The following NCAM2 variants were observed in gnomAD, a reference collection of about 807,000 sequenced individuals.
NCAM2 encodes the protein neural cell adhesion molecule 2.
Under a neutral mutation model 98.1 loss-of-function variants are expected in NCAM2, and 30 were observed. The ratio of observed to expected loss-of-function variants is 0.31; its 90% CI spans 0.23 to 0.41. The LOEUF (loss-of-function observed/expected upper bound fraction) is 0.41. NCAM2 is among the 10% of genes least tolerant of loss of function. The pLI is 1.00. For missense variants in NCAM2, 867 were observed against 1,005.8 expected, an observed-to-expected ratio of 0.86 and a Z score of 1.87; for synonymous variants, 368 against 342.4, an observed-to-expected ratio of 1.07 and a Z score of -0.83.
rs775134141 is a variant in NCAM2 at position 21,324,363 on chromosome 21, T to G, written c.620-20T>G. 1 of 1,581,026 alleles carries G rather than the reference T, an allele frequency of 6.3e-7. No homozygotes were observed. Among genetic ancestry groups the G allele is most frequent in the Non-Finnish European group, 8.7e-7 (1 of 1,152,162 alleles). ...AAGGTGTTTTCGTCTCTATTTATTC[T>G]GTATTCATCTCTCCTTCAGTGCCGC... is the stretch of plus-strand genomic sequence containing the variant. On this transcript the variant is annotated intron_variant, in intron 5 of 17. Transcript: ENST00000400546.
intron 1 of NCAM2, among the ~76,000 whole-genome samples, chr21:21,135,631 A>G (rs1199474845): frequency 1.3e-5 from 2 of 152,110 alleles, no homozygotes; most frequent in African/African-American, 4.8e-5. Flanking sequence ...TAACCATGAC[A>G]GTCCTTGGAA....
intron 8 of NCAM2, among the ~76,000 whole-genome samples, chr21:21,372,784 T>C (rs561981646): frequency 1.3e-5 from 2 of 151,934 alleles, no homozygotes; most frequent in South Asian, 4.1e-4. Flanking sequence ...TAATTTCAGG[T>C]ATATTGATAA....
At chr21:21,210,858 C>T (rs906482085) in intron 1 of NCAM2, among the ~76,000 whole-genome samples, 1 of 150,640 alleles carries the variant, frequency 6.6e-6, no homozygotes, top group Non-Finnish European at 1.5e-5. Flanking sequence ...TGGGGTAAGG[C>T]AGAGGAGGGG....
At position 21,045,548 on chromosome 21, in the gene NCAM2, C is replaced by G. The variant is rs575237644; in HGVS notation, c.55+46930C>G. The stretch of plus-strand genomic sequence containing the variant: ...CCTGTCGTCTCACCTACTCGGAAAA[C>G]TGAGGCAGGAGGGTCACTTGAGCCC... On this transcript the variant is annotated intron_variant, in intron 1 of 17. Coordinates refer to ENST00000400546, the MANE Select transcript of NCAM2 (RefSeq NM_004540.5). Among the ~76,000 whole-genome samples, 440 of 152,200 alleles carry G rather than the reference C, an allele frequency of 2.9e-3. 4 individuals carry two copies. Among genetic ancestry groups the G allele is most frequent in the African/African-American group, 0.01 (420 of 41,528 alleles).
At chr21:21,182,396 G>A (rs1007267561) in intron 1 of NCAM2, among the ~76,000 whole-genome samples, 2 of 152,122 alleles carry the variant, frequency 1.3e-5, no homozygotes, top group Admixed American at 1.3e-4. Flanking sequence ...TTAATAAATG[G>A]TTAAGGTTGA....
chr21:21,270,410 T>A (rs987341659), intron 1 of NCAM2, among the ~76,000 whole-genome samples: 2 of 152,256 alleles, frequency 1.3e-5, no homozygotes. Context: ...TTTCCTACTT[T>A]TATTTACATT....
At chr21:21,220,804 C>T (rs1006635242) in intron 1 of NCAM2, among the ~76,000 whole-genome samples, 80 of 152,164 alleles carry the variant, frequency 5.3e-4, no homozygotes, top group South Asian at 2.1e-4. Flanking sequence ...TTATAAGCTG[C>T]TGGTACACAA....
At chr21:21,496,238 T>C (rs913618907) in intron 15 of NCAM2, among the ~76,000 whole-genome samples, 1 of 151,908 alleles carries the variant, frequency 6.6e-6, no homozygotes, top group Admixed American at 6.6e-5. Context: ...CCATCAACAA[T>C]GTATAAGCAT....
chr21:21,283,871 A>G (rs1385577012), intron 2 of NCAM2, among the ~76,000 whole-genome samples: 2 of 151,920 alleles, frequency 1.3e-5, no homozygotes, highest in African/African-American at 4.8e-5. Flanking sequence ...GCAGTCAAGG[A>G]AGTTTCAGAA....
chr21:21,529,756 C>G (rs1602568017), intron 16 of NCAM2, among the ~76,000 whole-genome samples: 2 of 151,728 alleles, frequency 1.3e-5, no homozygotes, highest in Admixed American at 6.6e-5. Context: ...AACTCTCTCT[C>G]TCTCTGTGTT....
At chr21:21,052,150 A>ATTTTTTTTTCTTTTTTTTTTTT (rs2065122417) in intron 1 of NCAM2, among the ~76,000 whole-genome samples, 1 of 74,792 alleles carries the variant, frequency 1.3e-5, no homozygotes, top group African/African-American at 5.8e-5. Context: ...CATGATGGCC[A>ATTTTTTTTTCTTTTTTTTTTTT]TTTTTTTTTT....
intron 1 of NCAM2, among the ~76,000 whole-genome samples, chr21:21,159,249 TA>T (rs892287503): frequency 6.6e-6 from 1 of 152,058 alleles, no homozygotes; most frequent in African/African-American, 2.4e-5. Context: ...TTTTAAAAAA[TA>T]AAAAAGTTAT....
At chr21:21,244,596 C>T (rs902871632) in intron 1 of NCAM2, among the ~76,000 whole-genome samples, 5 of 152,144 alleles carry the variant, frequency 3.3e-5, no homozygotes, top group African/African-American at 1.2e-4. Context: ...TGCCTGTAAT[C>T]CCAGCACTTT....
intron 1 of NCAM2, among the ~76,000 whole-genome samples, chr21:21,079,203 A>AAAAAC (rs375279735): frequency 6.6e-6 from 1 of 152,128 alleles, no homozygotes; most frequent in African/African-American, 2.4e-5. Flanking sequence ...AGTAAAATAA[A>AAAAAC]AAACAAACAA....
intron 1 of NCAM2, among the ~76,000 whole-genome samples, chr21:21,238,157 A>C (rs148683145): frequency 6.6e-6 from 1 of 152,036 alleles, no homozygotes; most frequent in African/African-American, 2.4e-5. Flanking sequence ...GGGTTTTGTC[A>C]TCTTGGCCAG....
intron 1 of NCAM2, among the ~76,000 whole-genome samples, chr21:21,044,792 G>T (rs2146273025): frequency 9.5e-6 from 1 of 105,672 alleles, no homozygotes; most frequent in East Asian, 3.0e-4. Flanking sequence ...ACAGGGAGAT[G>T]CTGTCTCTAC....
At chr21:21,530,286 AATTATATAT>A (rs1569142031) in intron 16 of NCAM2, among the ~76,000 whole-genome samples, 2 of 126,990 alleles carry the variant, frequency 1.6e-5, no homozygotes, top group African/African-American at 5.9e-5. Context: ...AATTTAATTT[AATTATATAT>A]AATTAAATTA....
chr21:21,230,653 C>A (rs2147182704), intron 1 of NCAM2, among the ~76,000 whole-genome samples: 1 of 151,464 alleles, frequency 6.6e-6, no homozygotes, highest in East Asian at 1.9e-4. Flanking sequence ...CAGTAGGGTG[C>A]TTAGCCATAA....
rs2076509224 is a variant in NCAM2 at position 21,396,466 on chromosome 21, A to G, written c.1196-13808A>G. Among the ~76,000 whole-genome samples, 4 of 152,132 alleles carry G rather than the reference A, an allele frequency of 2.6e-5. No homozygotes were observed. In the South Asian group the frequency reaches 8.3e-4, roughly 31 times the overall value. Reference sequence around the variant, plus strand: ...TACAGTGTCACTTTGCCAGCCAGAAACTTCTGTGGCTGGTAGTACCTCTGC... The same window carrying G: ...TACAGTGTCACTTTGCCAGCCAGAAGCTTCTGTGGCTGGTAGTACCTCTGC... On this transcript the variant is annotated intron_variant, in intron 9 of 17. Transcript: ENST00000400546.
Sources: allele counts gnomAD v4.1 joint callset (sites outside exome capture counted in the v4.1 genomes callset), GRCh38; gene constraint gnomAD v4.1.1; transcripts MANE v1.5; gene names NCBI Gene and HGNC (gene_info 2026-07-23, HGNC 2026-07-21).